TPST1: variants seen among roughly 807,000 people sequenced by gnomAD.
The protein encoded by TPST1 is tyrosylprotein sulfotransferase 1.
TPST1 carries 20 observed loss-of-function variants against 34.8 expected under a neutral mutation model. The observed-to-expected ratio is 0.57, with a 90% CI of 0.40 to 0.84. TPST1 has a LOEUF of 0.84. TPST1 is among the 40% of genes least tolerant of loss of function. The probability of loss-of-function intolerance (pLI) is 0.00; values close to 1 mark genes in which losing one functional copy is unlikely to be tolerated. For synonymous variants in TPST1, 152 were observed against 159.4 expected, an observed-to-expected ratio of 0.95 and a Z score of 0.35; for missense variants, 353 against 455.5, an observed-to-expected ratio of 0.78 and a Z score of 2.05.
intron 3 of TPST1, among the ~76,000 whole-genome samples, chr7:66,305,193 A>C (rs1186795052): frequency 6.6e-6 from 1 of 152,206 alleles, no homozygotes; most frequent in African/African-American, 2.4e-5. Flanking sequence ...TAATATATTC[A>C]GTATATATTC....
intron 3 of TPST1, among the ~76,000 whole-genome samples, chr7:66,322,802 C>A (rs539748099): frequency 2.0e-5 from 3 of 152,100 alleles, no homozygotes; most frequent in African/African-American, 7.2e-5. Context: ...AGGAAGCTGC[C>A]GTACTGTTAC....
chr7:66,271,515 C>T (rs565825752), intron 2 of TPST1, among the ~76,000 whole-genome samples: 3 of 152,248 alleles, frequency 2.0e-5, no homozygotes, highest in African/African-American at 7.2e-5. Context: ...ACCCTTTGAC[C>T]TACATCTCCC....
chr7:66,313,226 C>T (rs937723425), intron 3 of TPST1, among the ~76,000 whole-genome samples: 1 of 151,974 alleles, frequency 6.6e-6, no homozygotes, highest in African/African-American at 2.4e-5. Flanking sequence ...CCAGCCTGGC[C>T]AACATGGTGA....
intron 3 of TPST1, among the ~76,000 whole-genome samples, chr7:66,337,324 T>C (rs1354073171): frequency 6.7e-6 from 1 of 148,170 alleles, no homozygotes; most frequent in African/African-American, 2.5e-5. Context: ...TTTTTTTTTT[T>C]TAAGACAGAG....
At chr7:66,281,151 A>G (rs567086300) in intron 2 of TPST1, among the ~76,000 whole-genome samples, 1 of 152,222 alleles carries the variant, frequency 6.6e-6, no homozygotes, top group Non-Finnish European at 1.5e-5. Flanking sequence ...TGTATGTTGA[A>G]CCCACCTTGC....
chr7:66,245,481 C>G (rs977086564), intron 2 of TPST1, among the ~76,000 whole-genome samples: 3 of 152,206 alleles, frequency 2.0e-5, no homozygotes, highest in African/African-American at 2.4e-5. Context: ...GAAACCCGAT[C>G]AGATCCTGAG....
At chr7:66,267,495 C>CTGTGT (rs1322308015) in intron 2 of TPST1, among the ~76,000 whole-genome samples, 1 of 151,314 alleles carries the variant, frequency 6.6e-6, no homozygotes, top group African/African-American at 2.4e-5. Context: ...ACTGGCCAAA[C>CTGTGT]ACCAAGATGT....
intron 1 of TPST1, among the ~76,000 whole-genome samples, chr7:66,222,052 T>C (rs1422901718): frequency 1.3e-5 from 2 of 152,154 alleles, no homozygotes; most frequent in Non-Finnish European, 2.9e-5. Context: ...TTTAAGGGGA[T>C]TTAAGAAAGA....
intron 1 of TPST1, among the ~76,000 whole-genome samples, chr7:66,228,157 A>G (rs1415373694): frequency 6.6e-6 from 1 of 152,160 alleles, no homozygotes; most frequent in Non-Finnish European, 1.5e-5. Context: ...GGAGTATTTT[A>G]ATGGGAAGTC....
chr7:66,294,641 T>C (rs1430464513), intron 3 of TPST1, among the ~76,000 whole-genome samples: 1 of 151,902 alleles, frequency 6.6e-6, no homozygotes, highest in Non-Finnish European at 1.5e-5. Context: ...TATAAGCTCA[T>C]TATATGAAAC....
At chr7:66,304,261 A>C (rs1371143212) in intron 3 of TPST1, among the ~76,000 whole-genome samples, 1 of 152,222 alleles carries the variant, frequency 6.6e-6, no homozygotes, top group East Asian at 1.9e-4. Context: ...TAGAGAGGGC[A>C]GAGAAGTGCT....
chr7:66,213,663 G>C (rs971073757), intron 1 of TPST1, among the ~76,000 whole-genome samples: 1 of 151,276 alleles, frequency 6.6e-6, no homozygotes, highest in Middle Eastern at 3.4e-3. Context: ...GCTGAGGCGC[G>C]AACCCAGGAG....
At position 66,241,902 on chromosome 7, in the gene TPST1, C is replaced by T. The variant is rs1275124260; in HGVS notation, c.845+632C>T. On this transcript the variant is annotated intron_variant, in intron 2 of 5. Coordinates refer to ENST00000304842, the MANE Select transcript of TPST1 (RefSeq NM_003596.4). ...GTCTCAATGAGGTCGTGCTTTTCTC[C>T]GTGGCATTTTACTACGTGTTGTGCT... Among the ~76,000 whole-genome samples, 2 of 152,262 alleles carry T rather than the reference C, an allele frequency of 1.3e-5. 1 individual carries two copies. The highest frequency in any genetic ancestry group is 4.1e-4 in the South Asian group (2 of 4,828).
intron 1 of TPST1, among the ~76,000 whole-genome samples, chr7:66,238,422 T>C (rs1490450219): frequency 2.0e-5 from 3 of 151,820 alleles, no homozygotes; most frequent in Non-Finnish European, 4.4e-5. Context: ...TTTTTTTTTT[T>C]TTTTAGCTTT....
intron 1 of TPST1, among the ~76,000 whole-genome samples, chr7:66,215,887 C>T (rs1391714280): frequency 6.6e-6 from 1 of 151,150 alleles, no homozygotes; most frequent in African/African-American, 2.4e-5. Flanking sequence ...ATTCTCCTGC[C>T]TCGGCCTCCC....
At chr7:66,214,482 C>T (rs1287301776) in intron 1 of TPST1, among the ~76,000 whole-genome samples, 3 of 151,450 alleles carry the variant, frequency 2.0e-5, no homozygotes, top group Non-Finnish European at 4.4e-5. Context: ...CAAAATCCAA[C>T]TAAAATTGGC....
At chr7:66,232,578 C>T (rs575966577) in intron 1 of TPST1, among the ~76,000 whole-genome samples, 19 of 152,218 alleles carry the variant, frequency 1.2e-4, no homozygotes, top group Non-Finnish European at 2.4e-4. Flanking sequence ...AGGATGGTCT[C>T]GATCTCCTGA....
chr7:66,248,881 CCA>C (rs1790207372), intron 2 of TPST1, among the ~76,000 whole-genome samples: 1 of 152,052 alleles, frequency 6.6e-6, no homozygotes, highest in Non-Finnish European at 1.5e-5. Context: ...TAACAAAATA[CCA>C]CAAACTGGGT....
rs74607585 is a variant in TPST1 at position 66,296,637 on chromosome 7, T to G, written c.1044+9928T>G. On this transcript the variant is annotated intron_variant, in intron 3 of 5. Coordinates refer to ENST00000304842, the MANE Select transcript of TPST1 (RefSeq NM_003596.4). Reference sequence around the variant, plus strand: ...AGAAAAATAACATTTTGACTGAGAATATAGGATTTATATCTCTAAGCCTAA... The same window carrying G: ...AGAAAAATAACATTTTGACTGAGAAGATAGGATTTATATCTCTAAGCCTAA... Among the ~76,000 whole-genome samples, 1,458 of 149,360 alleles carry G rather than the reference T, an allele frequency of 9.8e-3. 12 individuals are homozygous for G. Among genetic ancestry groups the G allele is most frequent in the Non-Finnish European group, 0.017 (1,147 of 67,628 alleles).
Sources: gnomAD v4.1 joint callset for allele counts (sites outside exome capture counted in the v4.1 genomes callset) on GRCh38, gnomAD v4.1.1 for gene constraint, MANE v1.5 for transcripts, NCBI Gene and HGNC (gene_info 2026-07-23, HGNC 2026-07-21) for gene names.